Variants in LDB2 observed in about 807,000 individuals in gnomAD.
LDB2 encodes LIM domain binding 2, also known as LIM domain-binding protein 2.
A neutral mutation model predicts 44.3 loss-of-function variants in LDB2; 12 were observed. That is an observed-to-expected ratio of 0.27 (90% CI 0.17 to 0.44). The LOEUF is 0.44. Among genes scored for constraint, LDB2 ranks in the 20% least tolerant of loss-of-function variants. The pLI, the probability that LDB2 is intolerant of heterozygous loss-of-function variation, is 1.00. For missense variants in LDB2, 344 were observed against 473.5 expected (o/e 0.73, Z 2.54); for synonymous variants, 164 against 174.8 (o/e 0.94, Z 0.49).
At chr4:16,519,930 T>G (rs201016275) in intron 5 of LDB2, among the ~76,000 whole-genome samples, 1 of 152,006 alleles carries the variant, frequency 6.6e-6, no homozygotes, top group Non-Finnish European at 1.5e-5. Context: ...ATTATGGGAC[T>G]GAGAAGCTTC....
At chr4:16,769,962 T>A (rs2109333731) in intron 1 of LDB2, among the ~76,000 whole-genome samples, 1 of 152,274 alleles carries the variant, frequency 6.6e-6, no homozygotes, top group East Asian at 1.9e-4. Context: ...ACATCAGTGG[T>A]TTTCCCCCCA....
chr4:16,799,492 G>C (rs1317356483), intron 1 of LDB2, among the ~76,000 whole-genome samples: 1 of 152,234 alleles, frequency 6.6e-6, no homozygotes, highest in East Asian at 1.9e-4. Context: ...ATAGGAAGAA[G>C]GAAAGGATTC....
intron 5 of LDB2, among the ~76,000 whole-genome samples, chr4:16,572,205 C>G (rs1473133233): frequency 2.0e-5 from 3 of 152,150 alleles, no homozygotes; most frequent in African/African-American, 4.8e-5. Context: ...CTTTGCCCTC[C>G]CCATTTTCCT....
intron 2 of LDB2, among the ~76,000 whole-genome samples, chr4:16,693,336 G>C (rs963155554): frequency 6.8e-6 from 1 of 146,356 alleles, no homozygotes; most frequent in East Asian, 2.2e-4. Context: ...TTGTTCCCTA[G>C]AGCAATAGTT....
rs956093469 is a variant in LDB2, at chr4:16,687,636, A to C, written c.235+71522T>G. Among the ~76,000 whole-genome samples, 5 of 152,200 alleles carry C rather than the reference A, an allele frequency of 3.3e-5. No individual in the cohort carries two copies. In the East Asian group the frequency reaches 9.6e-4, roughly 29 times the overall value. On this transcript the variant is annotated intron_variant, in intron 2 of 7. Transcript: ENST00000304523. Reference sequence around the variant, plus strand: ...CCAAACACTATCAGACCCAACTGGGAGATGTACTTACCCATATCAACTAAT... The same window carrying C: ...CCAAACACTATCAGACCCAACTGGGCGATGTACTTACCCATATCAACTAAT...
intron 5 of LDB2, among the ~76,000 whole-genome samples, chr4:16,562,270 G>T (rs1277211715): frequency 6.6e-6 from 1 of 152,180 alleles, no homozygotes; most frequent in Non-Finnish European, 1.5e-5. Context: ...ACTACCATCA[G>T]AGTGAACAGG....
At chr4:16,654,746 T>C (rs532779415) in intron 2 of LDB2, among the ~76,000 whole-genome samples, 1 of 152,356 alleles carries the variant, frequency 6.6e-6, no homozygotes. Flanking sequence ...AACCCTTGAC[T>C]TATTAGTATG....
intron 1 of LDB2, among the ~76,000 whole-genome samples, chr4:16,811,199 G>A (rs111862161): frequency 1.6e-4 from 24 of 152,206 alleles, no homozygotes; most frequent in Non-Finnish European, 2.4e-4. Context: ...TTTGCACACT[G>A]TACCTTCAGG....
intron 2 of LDB2, among the ~76,000 whole-genome samples, chr4:16,707,819 G>GA (rs533108751): frequency 6.6e-6 from 1 of 152,038 alleles, no homozygotes; most frequent in Non-Finnish European, 1.5e-5. Context: ...ATCTTGGGTA[G>GA]AAAAATACAT....
intron 2 of LDB2, among the ~76,000 whole-genome samples, chr4:16,615,457 G>A (rs762775696): frequency 6.6e-6 from 1 of 152,202 alleles, no homozygotes; most frequent in African/African-American, 2.4e-5. Context: ...CCTTTGCAGG[G>A]ACATGGATGA....
At position 16,790,019 on chromosome 4, in the gene LDB2, T is replaced by C. The variant is rs1420467389; in HGVS notation, c.133-30759A>G. Among the ~76,000 whole-genome samples, 4 of 152,226 alleles carry C rather than the reference T, an allele frequency of 2.6e-5. No individual in the cohort carries two copies. The East Asian group carries it at 7.7e-4, about 29-fold the overall frequency. The stretch of plus-strand genomic sequence containing the variant: ...AAGAAAGTCAAGGCTCAGAGAGTTT[T>C]AGTTATCTGCTCAAGGACACACAGT... On this transcript the variant is annotated intron_variant, in intron 1 of 7. Coordinates refer to ENST00000304523, the MANE Select transcript of LDB2 (RefSeq NM_001290.5).
chr4:16,740,276 C>T (rs371989283), intron 2 of LDB2, among the ~76,000 whole-genome samples: 2 of 152,138 alleles, frequency 1.3e-5, no homozygotes, highest in African/African-American at 4.8e-5. Flanking sequence ...TTTCTTCTGG[C>T]ACACACTCGG....
At chr4:16,546,193 T>TGC (rs1735676688) in intron 5 of LDB2, among the ~76,000 whole-genome samples, 1 of 152,206 alleles carries the variant, frequency 6.6e-6, no homozygotes, top group East Asian at 1.9e-4. Flanking sequence ...TCACCATTGA[T>TGC]ATTAGTGCAA....
At chr4:16,619,114 G>A (rs1728172753) in intron 2 of LDB2, among the ~76,000 whole-genome samples, 1 of 152,152 alleles carries the variant, frequency 6.6e-6, no homozygotes, top group South Asian at 2.1e-4. Flanking sequence ...CCCAGTCTCA[G>A]GTAGTTCTTT....
At chr4:16,876,004 G>C (rs143778968) in intron 1 of LDB2, among the ~76,000 whole-genome samples, 7 of 152,326 alleles carry the variant, frequency 4.6e-5, no homozygotes, top group African/African-American at 1.7e-4. Flanking sequence ...CAACAAGGGA[G>C]GCCATATGTG....
chr4:16,879,960 C>A (rs1031755135), intron 1 of LDB2, among the ~76,000 whole-genome samples: 1 of 152,162 alleles, frequency 6.6e-6, no homozygotes, highest in Non-Finnish European at 1.5e-5. Flanking sequence ...TTTACACCTG[C>A]AGAAACTTTC....
chr4:16,508,513 C>T, intron 7 of LDB2, 22 bp downstream of exon 7: 1 of 1,533,778 alleles, frequency 6.5e-7, no homozygotes, highest in Non-Finnish European at 8.8e-7. Context: ...GATTTCGGGC[C>T]TAAGAGGAAA....
intron 2 of LDB2, among the ~76,000 whole-genome samples, chr4:16,721,587 G>C (rs747641124): frequency 5.3e-5 from 8 of 152,104 alleles, no homozygotes; most frequent in Non-Finnish European, 1.2e-4. Flanking sequence ...AACTGAGGGG[G>C]AAAATGGCAA....
intron 5 of LDB2, among the ~76,000 whole-genome samples, chr4:16,532,650 A>T (rs1164331700): frequency 6.6e-6 from 1 of 152,212 alleles, no homozygotes; most frequent in Non-Finnish European, 1.5e-5. Context: ...TTGGAGAGGT[A>T]AATACTTGAT....
Sources: allele counts gnomAD v4.1 joint callset (sites outside exome capture counted in the v4.1 genomes callset), GRCh38; gene constraint gnomAD v4.1.1; transcripts MANE v1.5; gene names NCBI Gene and HGNC (gene_info 2026-07-23, HGNC 2026-07-21).